OGDH: variants seen among roughly 807,000 people sequenced by gnomAD.
OGDH encodes oxoglutarate dehydrogenase.
In OGDH, 38 loss-of-function variants were observed where a neutral mutation model predicts 116.6. The ratio of observed to expected loss-of-function variants is 0.33; its 90% CI spans 0.25 to 0.43. The LOEUF is 0.43. Among genes scored for constraint, OGDH ranks in the 20% least tolerant of loss-of-function variants. OGDH has a pLI of 1.00. For synonymous variants in OGDH, 488 were observed against 533.3 expected (o/e 0.92, Z 1.17); for missense variants, 825 against 1,357.2 (o/e 0.61, Z 6.16).
rs1206439171 is a variant in OGDH, at chr7:44,698,239, C to T, written c.2406C>T (p.Cys802=). 3 of 1,614,110 alleles carry T rather than the reference C, an allele frequency of 1.9e-6. No homozygotes were observed. Among genetic ancestry groups the T allele is most frequent in the Non-Finnish European group, 2.5e-6 (3 of 1,180,010 alleles). The change falls in exon 18 of 23, where the codon TGC becomes TGT. Residue 802 remains cysteine, a synonymous_variant. Transcript: ENST00000222673. ...GCCCAGAGCGGTTCTTGCAGATGTG[C>T]AACGATGACCCAGATGTCCTGCCAG... ...SARPERFLQM[C]NDDPDVLPDL... is the part of the protein sequence containing the mutation.
intron 4 of OGDH, among the ~76,000 whole-genome samples, chr7:44,658,591 T>A (rs912918172): frequency 6.6e-6 from 1 of 152,106 alleles, no homozygotes; most frequent in Non-Finnish European, 1.5e-5. Flanking sequence ...GCTACAACTT[T>A]TAGCACCGTA....
chr7:44,616,884 T>C lies in OGDH; in HGVS notation c.-27-7433T>C, dbSNP rs1272586666. Among the ~76,000 whole-genome samples the C allele has an allele frequency of 1.4e-3, 190 of 133,780 alleles. 3 individuals are homozygous for C. Among genetic ancestry groups the C allele is most frequent in the African/African-American group, 5.0e-3 (173 of 34,340 alleles). The allele number at this position is 133,780 out of a possible 152,430, so 87.8% of individuals were successfully genotyped here. A position where few individuals can be genotyped will look rare whatever the true frequency, so the allele number is the denominator to read the frequency against. ...ACATATATATATACGTATATATATA[T>C]GTATATATGTGAGCCGAGATCGCGC... On this transcript the variant is annotated intron_variant, in intron 1 of 22. Transcript: ENST00000222673.
intron 2 of OGDH, among the ~76,000 whole-genome samples, chr7:44,637,506 T>C (rs1785724215): frequency 6.6e-6 from 1 of 152,196 alleles, no homozygotes; most frequent in South Asian, 2.1e-4. Context: ...TTACTGGATT[T>C]TTAGAAATAA....
intron 4 of OGDH, among the ~76,000 whole-genome samples, chr7:44,658,440 C>T (rs1786790143): frequency 6.8e-6 from 1 of 147,030 alleles, no homozygotes; most frequent in Non-Finnish European, 1.5e-5. Context: ...TCCCGATGAA[C>T]TCATTCTAGG....
At chr7:44,671,769 A>T (rs1787468829) in intron 5 of OGDH, among the ~76,000 whole-genome samples, 1 of 123,384 alleles carries the variant, frequency 8.1e-6, no homozygotes, top group Non-Finnish European at 1.8e-5. Context: ...CTGCGTCTCA[A>T]AAAAAAAAAA....
chr7:44,616,399 T>C (rs1268384195), intron 1 of OGDH, among the ~76,000 whole-genome samples: 2 of 152,030 alleles, frequency 1.3e-5, no homozygotes, highest in Non-Finnish European at 2.9e-5. Context: ...TACTCAGGGA[T>C]CTGATCAGGG....
intron 1 of OGDH, among the ~76,000 whole-genome samples, chr7:44,614,652 A>G (rs958079156): frequency 4.6e-5 from 7 of 151,868 alleles, no homozygotes; most frequent in Non-Finnish European, 1.0e-4. Context: ...TGTTCTCTAC[A>G]TCTTCTCTTT....
At chr7:44,658,535 C>A (rs1011994686) in intron 4 of OGDH, among the ~76,000 whole-genome samples, 3 of 148,440 alleles carry the variant, frequency 2.0e-5, no homozygotes, top group Non-Finnish European at 4.4e-5. Flanking sequence ...TTTCATCCTT[C>A]CCAATCTGTG....
chr7:44,695,823 T>G (rs542301731), intron 12 of OGDH, among the ~76,000 whole-genome samples: 1 of 152,278 alleles, frequency 6.6e-6, no homozygotes, highest in South Asian at 2.1e-4. Flanking sequence ...AAAGGTGTTA[T>G]GCCTATTGAG....
chr7:44,666,879 T>C lies in OGDH; in HGVS notation c.633+28T>C, dbSNP rs768203858. 30 of 1,439,740 alleles carry C rather than the reference T, an allele frequency of 2.1e-5. No homozygotes were observed. The Admixed American group carries it at 3.9e-4, about 19-fold the overall frequency. The allele number at this position is 1,439,740 out of a possible 1,614,324, so 89.2% of individuals were successfully genotyped here. A position where few individuals can be genotyped will look rare whatever the true frequency, so the allele number is the denominator to read the frequency against. On this transcript the variant is annotated intron_variant, in intron 5 of 22. Transcript: ENST00000222673. Reference sequence around the variant, plus strand: ...AAGAGCAGTTTCTGGAAAAATCTAATGGACTTCTTAAGAACTTGTATTGGC... The same window carrying C: ...AAGAGCAGTTTCTGGAAAAATCTAACGGACTTCTTAAGAACTTGTATTGGC...
chr7:44,685,655 G>C lies in OGDH; in HGVS notation c.1335+3807G>C, dbSNP rs541442370. On this transcript the variant is annotated intron_variant, in intron 10 of 22. Coordinates refer to ENST00000222673, the MANE Select transcript of OGDH (RefSeq NM_002541.4). ...TTCCTTTGAGACGGGGTCTTGCTCT[G>C]TTGCCCAGGCTGAAGTGCAGTGGTG... 4.0e-5 allele frequency among the ~76,000 whole-genome samples: 6 copies of C among 150,130 alleles called. No individual in the cohort carries two copies. The South Asian group carries it at 1.3e-3, about 31-fold the overall frequency.
intron 20 of OGDH, among the ~76,000 whole-genome samples, chr7:44,704,919 C>T (rs1329581905): frequency 6.6e-6 from 1 of 151,834 alleles, no homozygotes; most frequent in Non-Finnish European, 1.5e-5. Context: ...CCATGTTGAC[C>T]AGGCTGGTCT....
intron 2 of OGDH, among the ~76,000 whole-genome samples, chr7:44,626,306 TACACACACACAC>T (rs374833881): frequency 2.2e-5 from 3 of 136,898 alleles, no homozygotes; most frequent in East Asian, 2.1e-4. Flanking sequence ...CACACACCCC[TACACACACACAC>T]ACACACACAC....
At chr7:44,686,443 A>G (rs1184726646) in intron 10 of OGDH, among the ~76,000 whole-genome samples, 1 of 152,090 alleles carries the variant, frequency 6.6e-6, no homozygotes, top group Non-Finnish European at 1.5e-5. Context: ...ATTAATTTTC[A>G]AATGTGGAAT....
intron 5 of OGDH, among the ~76,000 whole-genome samples, chr7:44,667,682 A>G (rs539991560): frequency 1.3e-5 from 2 of 152,268 alleles, no homozygotes; most frequent in East Asian, 3.9e-4. Context: ...CTCCCTCAGT[A>G]TAAGGGTGAC....
chr7:44,657,918 G>C (rs1786765972), intron 4 of OGDH, among the ~76,000 whole-genome samples: 1 of 151,998 alleles, frequency 6.6e-6, no homozygotes, highest in African/African-American at 2.4e-5. Context: ...TCATTGAATT[G>C]CTTTTGTACT....
At chr7:44,685,778 C>T (rs568720626) in intron 10 of OGDH, among the ~76,000 whole-genome samples, 1 of 151,930 alleles carries the variant, frequency 6.6e-6, no homozygotes, top group Non-Finnish European at 1.5e-5. Context: ...ACCACCATGC[C>T]CAGCTATTTT....
At chr7:44,646,785 G>T (rs926874044) in intron 3 of OGDH, among the ~76,000 whole-genome samples, 1 of 152,102 alleles carries the variant, frequency 6.6e-6, no homozygotes, top group Non-Finnish European at 1.5e-5. Flanking sequence ...TCTGACTACT[G>T]TGTGCTGACC....
chr7:44,616,012 G>C (rs1031890593), intron 1 of OGDH, among the ~76,000 whole-genome samples: 3 of 150,712 alleles, frequency 2.0e-5, no homozygotes, highest in Non-Finnish European at 4.4e-5. Flanking sequence ...CTGGGCAACA[G>C]AGCAAGACCC....
Sources: gnomAD v4.1 joint callset for allele counts (sites outside exome capture counted in the v4.1 genomes callset) on GRCh38, gnomAD v4.1.1 for gene constraint, MANE v1.5 for transcripts, NCBI Gene and HGNC (gene_info 2026-07-23, HGNC 2026-07-21) for gene names.